IQUB: variants seen among roughly 807,000 people sequenced by gnomAD.
The protein encoded by IQUB is IQ motif and ubiquitin domain containing.
A neutral mutation model predicts 86.4 loss-of-function variants in IQUB; 86 were observed. That is an observed-to-expected ratio of 1.00 (90% CI 0.84 to 1.19). IQUB has a LOEUF of 1.19. Ranked by LOEUF, IQUB falls within the 50% of genes most tolerant of loss-of-function variation. The pLI, the probability that IQUB is intolerant of heterozygous loss-of-function variation, is 0.00. For synonymous variants in IQUB, 289 were observed against 304.5 expected, an observed-to-expected ratio of 0.95 and a Z score of 0.53; for missense variants, 946 against 916.9, an observed-to-expected ratio of 1.03 and a Z score of -0.41.
chr7:123,477,189 T>C (rs1039703671), intron 8 of IQUB, among the ~76,000 whole-genome samples: 2 of 152,114 alleles, frequency 1.3e-5, no homozygotes, highest in African/African-American at 4.8e-5. Flanking sequence ...CTTCAAACTA[T>C]ACTACAAGGC....
chr7:123,518,159 G>A (rs1482820105), intron 1 of IQUB, among the ~76,000 whole-genome samples: 4 of 148,204 alleles, frequency 2.7e-5, no homozygotes, highest in South Asian at 2.1e-4. Flanking sequence ...TTTTTCTTTC[G>A]CTCACCCATT....
Position 123,509,996 on chromosome 7 carries a change from A to G in IQUB, c.437T>C (p.Ile146Thr), listed in dbSNP as rs1310315161. Reference sequence around the variant, plus strand: ...AAGAATGGTATCAACCTTAAAAGGTATTACAATTTCCTGGCCCACTGGAAT... The same window carrying G: ...AAGAATGGTATCAACCTTAAAAGGTGTTACAATTTCCTGGCCCACTGGAAT... ...VLIPVGQEIV[I>T]PFKVDTILKY... The change falls in exon 3 of 13, where the codon ATA becomes ACA. Residue 146 changes from isoleucine (I) to threonine (T), a missense_variant. Transcript: ENST00000324698. The G allele has an allele frequency of 1.3e-6, 2 of 1,590,428 alleles. No homozygotes were observed. The highest frequency in any genetic ancestry group is 1.3e-5 in the African/African-American group (1 of 74,338).
At chr7:123,519,472 A>G (rs1796802070) in intron 1 of IQUB, among the ~76,000 whole-genome samples, 1 of 152,262 alleles carries the variant, frequency 6.6e-6, no homozygotes, top group African/African-American at 2.4e-5. Context: ...AGCCATAAAA[A>G]AGAATGAAAT....
intron 7 of IQUB, among the ~76,000 whole-genome samples, chr7:123,486,532 A>G (rs571643802): frequency 1.3e-5 from 2 of 152,340 alleles, no homozygotes; most frequent in Admixed American, 1.3e-4. Flanking sequence ...GGTTTGTAGC[A>G]TAATTAATTG....
At chr7:123,522,517 G>C (rs139769554) in intron 1 of IQUB, among the ~76,000 whole-genome samples, 352 of 152,230 alleles carry the variant, frequency 2.3e-3, no homozygotes, top group Non-Finnish European at 3.5e-3. Context: ...TTTCTTCCAA[G>C]AATTAAATAA....
chr7:123,454,305 G>A lies in IQUB; in HGVS notation c.2194-1380C>T, dbSNP rs572771459. 2.0e-5 allele frequency among the ~76,000 whole-genome samples: 3 copies of A among 152,056 alleles called. No homozygotes were observed. In the East Asian group the frequency reaches 5.8e-4, roughly 29 times the overall value. ...CTTTACAGTACTATAAATTATTAAA[G>A]ATGAGATAAATTATGATATATGTGT... On this transcript the variant is annotated intron_variant, in intron 12 of 12. Coordinates refer to ENST00000324698, the MANE Select transcript of IQUB (RefSeq NM_178827.5).
chr7:123,457,280 A>T, intron 12 of IQUB, 101 bp downstream of exon 12: 2 of 1,472,832 alleles, frequency 1.4e-6, no homozygotes, highest in Non-Finnish European at 1.8e-6. Context: ...TCTTAATCTG[A>T]TGGAAGTATT....
In IQUB at chr7:123,509,796, G is replaced by T. The variant is rs1295355106; in HGVS notation, c.532+105C>A. ...AGTGAATGCATAACCACAATATAAT[G>T]TTCAATTAGTACCAAGATATTTAGT... On this transcript the variant is annotated intron_variant, in intron 3 of 12. Coordinates refer to ENST00000324698, the MANE Select transcript of IQUB (RefSeq NM_178827.5). The T allele has an allele frequency of 8.3e-6, 8 of 958,100 alleles. No individual in the cohort carries two copies. In the Admixed American group the frequency reaches 1.9e-4, roughly 23 times the overall value. The allele number at this position is 958,100 out of a possible 1,614,324, so 59.3% of individuals were successfully genotyped here.
chr7:123,493,731 A>ATGTG (rs71161484), intron 7 of IQUB, among the ~76,000 whole-genome samples: 5,873 of 112,460 alleles, frequency 0.052, 145 homozygotes, highest in South Asian at 0.1. Context: ...ATGTGTGTGT[A>ATGTG]TGTGTGTGTG....
intron 2 of IQUB, among the ~76,000 whole-genome samples, 181 bp downstream of exon 2, chr7:123,511,763 G>C (rs1028646603): frequency 4.6e-5 from 7 of 152,230 alleles, no homozygotes; most frequent in African/African-American, 9.6e-5. Context: ...CTGCAGAATA[G>C]AGAAGCTTTC....
intron 8 of IQUB, among the ~76,000 whole-genome samples, chr7:123,472,950 A>G (rs756534883): frequency 2.6e-5 from 4 of 152,200 alleles, no homozygotes; most frequent in Non-Finnish European, 5.9e-5. Flanking sequence ...CTGCCAACAA[A>G]AGAGACAGCA....
chr7:123,493,485 T>C (rs776923829), intron 7 of IQUB, among the ~76,000 whole-genome samples: 2 of 152,110 alleles, frequency 1.3e-5, no homozygotes, highest in African/African-American at 2.4e-5. Flanking sequence ...ATCTCACCTA[T>C]TGGAGCCTCA....
chr7:123,524,796 C>A (rs1209176675), intron 1 of IQUB, among the ~76,000 whole-genome samples: 15 of 147,758 alleles, frequency 1.0e-4, no homozygotes, highest in Non-Finnish European at 2.1e-4. Context: ...AAAGGGAATG[C>A]TTCCAGTTTT....
intron 1 of IQUB, among the ~76,000 whole-genome samples, chr7:123,529,122 CAGAAT>C (rs1427355811): frequency 6.6e-6 from 1 of 151,910 alleles, no homozygotes; most frequent in Non-Finnish European, 1.5e-5. Flanking sequence ...AAAAAACTAA[CAGAAT>C]AGAAGGGGAT....
intron 1 of IQUB, among the ~76,000 whole-genome samples, chr7:123,523,700 T>C (rs1797027254): frequency 6.6e-6 from 1 of 152,012 alleles, no homozygotes; most frequent in Admixed American, 6.6e-5. Context: ...AGAAGCTCTT[T>C]AGTTTAATTA....
chr7:123,490,920 T>C (rs1325194801), intron 7 of IQUB, among the ~76,000 whole-genome samples: 1 of 151,218 alleles, frequency 6.6e-6, no homozygotes, highest in Non-Finnish European at 1.5e-5. Context: ...GCCAAGATCA[T>C]GCCATTGCAC....
intron 10 of IQUB, 107 bp from the exon 11 acceptor site, chr7:123,461,712 G>T: frequency 1.0e-6 from 1 of 988,374 alleles, no homozygotes; most frequent in Non-Finnish European, 1.4e-6. Flanking sequence ...ATCTTAGAAT[G>T]AGATTTAAAA....
chr7:123,529,448 C>G (rs1412509844), intron 1 of IQUB, among the ~76,000 whole-genome samples: 2 of 149,346 alleles, frequency 1.3e-5, no homozygotes, highest in Non-Finnish European at 3.0e-5. Flanking sequence ...AACTGTTGTT[C>G]ATTGATGGAC....
chr7:123,463,453 C>A (rs1794096128), intron 10 of IQUB, among the ~76,000 whole-genome samples: 1 of 151,692 alleles, frequency 6.6e-6, no homozygotes, highest in African/African-American at 2.4e-5. Context: ...TATTTTTCAG[C>A]TATAAAAACA....
Sources: gnomAD v4.1 joint callset for allele counts (sites outside exome capture counted in the v4.1 genomes callset) on GRCh38, gnomAD v4.1.1 for gene constraint, MANE v1.5 for transcripts, NCBI Gene and HGNC (gene_info 2026-07-23, HGNC 2026-07-21) for gene names.